Variants in ZNF507 observed in about 807,000 individuals in gnomAD.
The protein encoded by ZNF507 is zinc finger protein 507.
ZNF507 carries 29 observed loss-of-function variants against 80.0 expected under a neutral mutation model. The observed-to-expected ratio is 0.36, with a 90% confidence interval of 0.27 to 0.49. The LOEUF (loss-of-function observed/expected upper bound fraction) is 0.49, where lower values mean the gene tolerates loss of function less well. ZNF507 is among the 20% of genes least tolerant of loss of function. The pLI, the probability that ZNF507 is intolerant of heterozygous loss-of-function variation, is 0.98. For synonymous variants in ZNF507, 462 were observed against 422.5 expected (o/e 1.09, Z -1.15); for missense variants, 1,081 against 1,152.2 (o/e 0.94, Z 0.90).
chr19:32,364,615 T>G (rs773034334), intron 5 of ZNF507, among the ~76,000 whole-genome samples: 3 of 152,234 alleles, frequency 2.0e-5, no homozygotes, highest in South Asian at 2.1e-4. Context: ...GTTACTTCAC[T>G]TAGAATAATA....
chr19:32,346,205 T>TA (rs1384998838), intron 1 of ZNF507, among the ~76,000 whole-genome samples: 1 of 152,198 alleles, frequency 6.6e-6, no homozygotes. Context: ...AGCCAGTGCG[T>TA]GGTGTAGAAA....
rs1290158675 is a variant in ZNF507 at position 32,385,523 on chromosome 19, A to T, written c.*2440A>T. ...AACTGTAGAAGAGATAGCTATTAAA[A>T]TAATCAGTAGCCTGGGCATAGTGGC... On this transcript the variant is annotated 3_prime_UTR_variant, in exon 7 of 7. Coordinates refer to ENST00000355898, the MANE Select transcript of ZNF507 (RefSeq NM_001136156.2). 6.6e-6 allele frequency: 1 copy of T among 152,236 alleles called. No individual in the cohort carries two copies. The highest frequency in any genetic ancestry group is 1.5e-5 in the Non-Finnish European group (1 of 68,048). The allele number at this position is 152,236 out of a possible 1,614,324, so 9.4% of individuals were successfully genotyped here. A position where few individuals can be genotyped will look rare whatever the true frequency, so the allele number is the denominator to read the frequency against.
rs1041482643 is a variant in ZNF507, at chr19:32,386,863, A to G, written c.*3780A>G. On this transcript the variant is annotated 3_prime_UTR_variant, in exon 7 of 7. Transcript: ENST00000355898. Reference sequence around the variant, plus strand: ...TTTTGTTAAAAAAAACTTGGCTCCAAGTTCTATTAACCACAGGTTGTGTTC... The same window carrying G: ...TTTTGTTAAAAAAAACTTGGCTCCAGGTTCTATTAACCACAGGTTGTGTTC... 10 of 152,584 alleles carry G rather than the reference A, an allele frequency of 6.6e-5. No homozygotes were observed. Among genetic ancestry groups the G allele is most frequent in the Non-Finnish European group, 1.2e-4 (8 of 68,032 alleles). 9.5% of individuals were successfully genotyped at this position (152,584 alleles called of 1,614,324 possible).
In ZNF507 at chr19:32,354,479, C is replaced by T; in HGVS notation, c.1649C>T (p.Ser550Phe). The T allele has an allele frequency of 6.2e-7, 1 of 1,614,192 alleles. No individual in the cohort carries two copies. Among genetic ancestry groups the T allele is most frequent in the Non-Finnish European group, 8.5e-7 (1 of 1,180,042 alleles). Reference sequence around the variant, plus strand: ...AAAATGATGTCGCCACTTAAAAACTCTTCAGATGGATTAACTAGTCTTAAC... The same window carrying T: ...AAAATGATGTCGCCACTTAAAAACTTTTCAGATGGATTAACTAGTCTTAAC... ...YSKMMSPLKN[S>F]SDGLTSLNQS... is the part of the protein sequence containing the mutation. The change falls in exon 3 of 7, where the codon TCT becomes TTT. Residue 550 changes from serine to phenylalanine, a missense_variant. This residue lies in a region of ZNF507 where 614 missense variants were observed against 583.9 expected (regional missense o/e 1.05). Coordinates refer to ENST00000355898, the MANE Select transcript of ZNF507 (RefSeq NM_001136156.2).
At chr19:32,349,558 T>A (rs975678265) in intron 2 of ZNF507, among the ~76,000 whole-genome samples, 5 of 152,254 alleles carry the variant, frequency 3.3e-5, no homozygotes, top group African/African-American at 1.2e-4. Flanking sequence ...TCCACTCAAC[T>A]CAGTTTTAAA....
At chr19:32,358,924 G>C (rs548786769) in intron 4 of ZNF507, 1 of 152,206 alleles carries the variant, frequency 6.6e-6, no homozygotes, top group Non-Finnish European at 1.5e-5. Context: ...GTGGCAGAGC[G>C]AGGACTAAGC....
intron 5 of ZNF507, among the ~76,000 whole-genome samples, chr19:32,379,793 G>GT (rs533962935): frequency 1.9e-4 from 18 of 93,418 alleles, no homozygotes; most frequent in East Asian, 1.5e-3. Flanking sequence ...TTTGGTTGTT[G>GT]TTTTTTTTTC....
rs370901619 is a variant in ZNF507 at position 32,351,608 on chromosome 19, C to T, written c.-2-1221C>T. On this transcript the variant is annotated intron_variant, in intron 2 of 6. Transcript: ENST00000355898. ...GCCCTTATATGTTGATTCAACCATG[C>T]GGGGAAGAACAGCCATGATTCACCA... Among the ~76,000 whole-genome samples the T allele has an allele frequency of 2.2e-4, 33 of 146,786 alleles. No individual in the cohort carries two copies. The East Asian group carries it at 6.1e-3, about 27-fold the overall frequency.
At position 32,382,607 on chromosome 19, in the gene ZNF507, TC is replaced by T. The variant is rs765104430; in HGVS notation, c.2495+7del. On this transcript the variant is annotated splice_region_variant and intron_variant, in intron 6 of 6. Coordinates refer to ENST00000355898, the MANE Select transcript of ZNF507 (RefSeq NM_001136156.2). ...GCGATTTCACAAAGTGGCAGGTATT[TC>T]ATCCTACCCCCTCCCTTTATTGCTA... 1 of 1,614,138 alleles carries T rather than the reference TC, an allele frequency of 6.2e-7. No homozygotes were observed. The highest frequency in any genetic ancestry group is 8.5e-7 in the Non-Finnish European group (1 of 1,180,000).
At chr19:32,366,194 T>G (rs986058779) in intron 5 of ZNF507, among the ~76,000 whole-genome samples, 1 of 152,072 alleles carries the variant, frequency 6.6e-6, no homozygotes, top group South Asian at 2.1e-4. Context: ...TCTCTCTCCC[T>G]CCCTCCCTCT....
At chr19:32,357,606 C>G (rs1361106104) in intron 4 of ZNF507, 3 of 152,162 alleles carry the variant, frequency 2.0e-5, no homozygotes, top group African/African-American at 7.2e-5. Flanking sequence ...ACTGTAGCAC[C>G]AAAATTCTCA....
At position 32,386,883 on chromosome 19, in the gene ZNF507, G is replaced by T. The variant is rs1000013606; in HGVS notation, c.*3800G>T. On this transcript the variant is annotated 3_prime_UTR_variant, in exon 7 of 7. Coordinates refer to ENST00000355898, the MANE Select transcript of ZNF507 (RefSeq NM_001136156.2). ...CTCCAAGTTCTATTAACCACAGGTT[G>T]TGTTCATTCTTTTCCTGGAAATGAT... is the stretch of plus-strand genomic sequence containing the variant. The T allele has an allele frequency of 6.6e-6, 1 of 152,500 alleles. No homozygotes were observed. Among genetic ancestry groups the T allele is most frequent in the Admixed American group, 6.5e-5 (1 of 15,278 alleles). 9.4% of individuals were successfully genotyped at this position (152,500 alleles called of 1,614,324 possible).
intron 5 of ZNF507, among the ~76,000 whole-genome samples, chr19:32,375,893 A>T (rs1967540081): frequency 1.3e-5 from 2 of 152,224 alleles, no homozygotes; most frequent in South Asian, 4.1e-4. Flanking sequence ...AACTGTCTGT[A>T]TTCCTAGAAT....
chr19:32,356,993 G>A (rs1967261478), intron 4 of ZNF507: 2 of 318,454 alleles, frequency 6.3e-6, no homozygotes, highest in Admixed American at 4.6e-5. Context: ...CTTAGAAGGT[G>A]ATGTACCAGC....
Position 32,383,094 on chromosome 19 carries a change from G to T in ZNF507, c.*11G>T. On this transcript the variant is annotated 3_prime_UTR_variant, in exon 7 of 7. Transcript: ENST00000355898. ...CTAAACACAAATTAGGTGGAATAAT[G>T]ACTCGAGCAGGAAAGCAGTAGAAGA... 3 of 1,605,166 alleles carry T rather than the reference G, an allele frequency of 1.9e-6. No homozygotes were observed. In the South Asian group the frequency reaches 3.3e-5, roughly 18 times the overall value.
chr19:32,355,378 A>G (rs572988730), intron 3 of ZNF507, among the ~76,000 whole-genome samples: 2 of 152,360 alleles, frequency 1.3e-5, no homozygotes, highest in African/African-American at 4.8e-5. Flanking sequence ...CCAGGCATTC[A>G]GTTCAGCTTC....
At position 32,373,592 on chromosome 19, in the gene ZNF507, A is replaced by G. The variant is rs568653266; in HGVS notation, c.2361-8875A>G. ...AAATGTCTCCAAGAGTTCCTTTAAC[A>G]CAAACTTTTTGGCCGCCATAACTTC... is the stretch of plus-strand genomic sequence containing the variant. On this transcript the variant is annotated intron_variant, in intron 5 of 6. Coordinates refer to ENST00000355898, the MANE Select transcript of ZNF507 (RefSeq NM_001136156.2). 2.0e-5 allele frequency among the ~76,000 whole-genome samples: 3 copies of G among 152,334 alleles called. No individual in the cohort carries two copies. In the South Asian group the frequency reaches 6.2e-4, roughly 32 times the overall value.
rs139567555 is a variant in ZNF507 at position 32,365,125 on chromosome 19, C to T, written c.2360+4507C>T. 2.4e-4 allele frequency among the ~76,000 whole-genome samples: 36 copies of T among 152,222 alleles called. 1 individual carries two copies. Among genetic ancestry groups the T allele is most frequent in the African/African-American group, 8.7e-4 (36 of 41,526 alleles). On this transcript the variant is annotated intron_variant, in intron 5 of 6. Transcript: ENST00000355898. ...AATGATTTTTTCATATGTTTGTTGGCCATTTGCGTATCTTCTTTTGAGAAT... is the reference window on the plus strand; with the variant it reads ...AATGATTTTTTCATATGTTTGTTGGTCATTTGCGTATCTTCTTTTGAGAAT...
intron 5 of ZNF507, among the ~76,000 whole-genome samples, chr19:32,367,868 AATG>A (rs1351720278): frequency 2.0e-5 from 3 of 152,238 alleles, no homozygotes; most frequent in Non-Finnish European, 4.4e-5. Context: ...GTATATTAGA[AATG>A]ATGATAATAG....
Sources: allele counts gnomAD v4.1 joint callset (sites outside exome capture counted in the v4.1 genomes callset), GRCh38; gene constraint gnomAD v4.1.1; regional missense constraint gnomAD v4.1.1; transcripts MANE v1.5; gene names NCBI Gene and HGNC (gene_info 2026-07-23, HGNC 2026-07-21).